STPG2: variants seen among roughly 807,000 people sequenced by gnomAD.
STPG2 encodes the protein sperm tail PG-rich repeat containing 2.
In STPG2, 56 loss-of-function variants were observed where a neutral mutation model predicts 54.2. That is an observed-to-expected ratio of 1.03 (90% confidence interval 0.83 to 1.29). The LOEUF (loss-of-function observed/expected upper bound fraction) is 1.29, where lower values mean the gene tolerates loss of function less well. Ranked by LOEUF, STPG2 falls within the 50% of genes most tolerant of loss-of-function variation. The pLI is 0.00. For synonymous variants in STPG2, 200 were observed against 181.8 expected (o/e 1.10, Z -0.81); for missense variants, 596 against 544.9 (o/e 1.09, Z -0.93).
intron 7 of STPG2, among the ~76,000 whole-genome samples, chr4:97,947,347 T>C (rs1396361335): frequency 6.6e-6 from 1 of 152,116 alleles, no homozygotes; most frequent in Non-Finnish European, 1.5e-5. Flanking sequence ...ATATCATTGG[T>C]GAACAGCAAT....
intron 5 of STPG2, among the ~76,000 whole-genome samples, chr4:98,034,031 A>C (rs552892593): frequency 2.0e-5 from 3 of 152,320 alleles, no homozygotes; most frequent in African/African-American, 4.8e-5. Flanking sequence ...ATTCCCTTTG[A>C]AAACCGGCAT....
At chr4:97,583,010 C>G (rs1732899884) in intron 10 of STPG2, among the ~76,000 whole-genome samples, 1 of 151,970 alleles carries the variant, frequency 6.6e-6, no homozygotes, top group Non-Finnish European at 1.5e-5. Flanking sequence ...ACATAAAATT[C>G]TTGACATTAC....
chr4:98,066,353 C>G (rs908407166), intron 5 of STPG2, among the ~76,000 whole-genome samples: 7 of 152,130 alleles, frequency 4.6e-5, no homozygotes, highest in Non-Finnish European at 1.0e-4. Flanking sequence ...AACTGGGAGG[C>G]TGAGGCGGGT....
chr4:97,981,096 T>C, intron 6 of STPG2, 63 bp downstream of exon 6: 2 of 1,537,164 alleles, frequency 1.3e-6, no homozygotes, highest in Non-Finnish European at 8.8e-7. Context: ...GTATCCATCT[T>C]GTTAAGAACA....
At chr4:97,566,005 A>G (rs7687664) in intron 10 of STPG2, among the ~76,000 whole-genome samples, 5,504 of 152,214 alleles carry the variant, frequency 0.036, 241 homozygotes, top group African/African-American at 0.11. Context: ...AGGTTACTGC[A>G]GTCTTTTTGT....
intron 7 of STPG2, among the ~76,000 whole-genome samples, chr4:97,966,737 T>C (rs1359732886): frequency 2.6e-5 from 4 of 152,016 alleles, no homozygotes; most frequent in African/African-American, 7.3e-5. Context: ...TGAAAAAGGA[T>C]TTTCAACCCA....
chr4:98,048,958 GA>G (rs1737228955), intron 5 of STPG2: 1 of 152,440 alleles, frequency 6.6e-6, no homozygotes, highest in South Asian at 2.1e-4. Flanking sequence ...ATTTATGAAT[GA>G]ATTTTTTATA....
chr4:97,509,232 T>C (rs1730919677), intron 4 of STPG2, among the ~76,000 whole-genome samples: 1 of 145,250 alleles, frequency 6.9e-6, no homozygotes. Flanking sequence ...AGAATTTGAC[T>C]TTTTTTTTTT....
intron 3 of STPG2, among the ~76,000 whole-genome samples, chr4:98,127,789 A>G (rs886335204): frequency 2.0e-5 from 3 of 152,212 alleles, no homozygotes; most frequent in Admixed American, 6.5e-5. Flanking sequence ...GAAATGAATT[A>G]GCTATATTGT....
chr4:97,639,246 C>G (rs1243821128), intron 10 of STPG2, among the ~76,000 whole-genome samples: 3 of 151,036 alleles, frequency 2.0e-5, no homozygotes, highest in African/African-American at 7.3e-5. Context: ...ATCGCAAGAA[C>G]AAAACCCGAA....
In STPG2 at chr4:97,846,711, G is replaced by T. The variant is rs577581421; in HGVS notation, c.1045-5779C>A. 4.6e-5 allele frequency among the ~76,000 whole-genome samples: 7 copies of T among 151,974 alleles called. No homozygotes were observed. The East Asian group carries it at 1.4e-3, about 29-fold the overall frequency. ...AGAGTGAAATCTCAGTCTTTGCTTA[G>T]GAGACAAACTCTTACTGGAGAGAAG... On this transcript the variant is annotated intron_variant, in intron 8 of 10. Coordinates refer to ENST00000295268, the MANE Select transcript of STPG2 (RefSeq NM_174952.3).
rs1723411674 is a variant in STPG2 at position 97,692,696 on chromosome 4, C to T, written c.1320+20003G>A. Among the ~76,000 whole-genome samples the T allele has an allele frequency of 2.0e-5, 3 of 152,234 alleles. No homozygotes were observed. In the South Asian group the frequency reaches 6.2e-4, roughly 32 times the overall value. On this transcript the variant is annotated intron_variant, in intron 10 of 10. Transcript: ENST00000295268. The stretch of plus-strand genomic sequence containing the variant: ...ACTCAACTACAAGAAGTTAAAAGAA[C>T]ATCTAGGAAATGTATTGTGAAATGA...
At chr4:98,014,890 T>C (rs930550387) in intron 5 of STPG2, among the ~76,000 whole-genome samples, 9 of 152,182 alleles carry the variant, frequency 5.9e-5, no homozygotes, top group East Asian at 1.9e-4. Flanking sequence ...ATATTCTTCG[T>C]TGACATTTTT....
intron 10 of STPG2, chr4:97,633,942 C>A (rs912714184): frequency 5.2e-5 from 8 of 154,074 alleles, no homozygotes; most frequent in East Asian, 1.9e-4. Flanking sequence ...CCCAGGCTTG[C>A]TTAGGTAAAC....
In STPG2 at chr4:97,972,335, G is replaced by A; in HGVS notation, c.878C>T (p.Thr293Ile). The A allele has an allele frequency of 6.2e-7, 1 of 1,610,272 alleles. No individual in the cohort carries two copies. The highest frequency in any genetic ancestry group is 8.5e-7 in the Non-Finnish European group (1 of 1,178,090). ...KSAFGSSVPR[T>I]FFSVQKEACA... ...AGCTTCTTTCTGAACCGAGAAGAAA[G>A]TCCGAGGAACAGAAGAACCAAATGC... The change falls in exon 7 of 11, where the codon ACT (threonine) becomes ATT (isoleucine). Residue 293 changes from threonine to isoleucine, a missense_variant. Physicochemically the swap from Thr to Ile is moderately conservative, Grantham distance 89. Coordinates refer to ENST00000295268, the MANE Select transcript of STPG2 (RefSeq NM_174952.3).
chr4:97,789,777 C>T (rs972220346), intron 9 of STPG2, among the ~76,000 whole-genome samples: 1 of 152,098 alleles, frequency 6.6e-6, no homozygotes. Context: ...TAAAGACCAT[C>T]GTGGAAAACG....
At chr4:97,947,889 G>A (rs1733300276) in intron 7 of STPG2, among the ~76,000 whole-genome samples, 1 of 151,858 alleles carries the variant, frequency 6.6e-6, no homozygotes, top group South Asian at 2.1e-4. Context: ...TTCTTTCCTG[G>A]TTCTGGTATC....
chr4:97,534,097 A>G (rs1731476235), intron 4 of STPG2, among the ~76,000 whole-genome samples: 1 of 152,112 alleles, frequency 6.6e-6, no homozygotes, highest in African/African-American at 2.4e-5. Flanking sequence ...AATTTTAGGC[A>G]TATAAGTGGG....
Position 98,140,684 on chromosome 4 carries a change from A to T in STPG2, c.109+2358T>A, listed in dbSNP as rs556944156. 4.3e-3 allele frequency among the ~76,000 whole-genome samples: 647 copies of T among 151,712 alleles called. 3 individuals are homozygous for T. Among genetic ancestry groups the T allele is most frequent in the South Asian group, 0.025 (120 of 4,828 alleles). ...ACCAGTATTGCTGGAAAAAAATTTT[A>T]AAAGGGACCAGTATTGCTGGAAAAA... On this transcript the variant is annotated intron_variant, in intron 1 of 10. Coordinates refer to ENST00000295268, the MANE Select transcript of STPG2 (RefSeq NM_174952.3).
Sources: allele counts gnomAD v4.1 joint callset (sites outside exome capture counted in the v4.1 genomes callset), GRCh38; gene constraint gnomAD v4.1.1; transcripts MANE v1.5; gene names NCBI Gene and HGNC (gene_info 2026-07-23, HGNC 2026-07-21).